Variants in STK3 observed in about 807,000 individuals in gnomAD.
STK3 encodes serine/threonine kinase 3, also known as serine/threonine-protein kinase 3.
A neutral mutation model predicts 58.0 loss-of-function variants in STK3; 41 were observed. The observed-to-expected ratio is 0.71, with a 90% CI of 0.55 to 0.92. The LOEUF (loss-of-function observed/expected upper bound fraction) is 0.92. Among genes scored for constraint, STK3 ranks in the 40% least tolerant of loss-of-function variants. The pLI is 0.00. For missense variants in STK3, 479 were observed against 602.7 expected (o/e 0.79, Z 2.15); for synonymous variants, 170 against 191.0 (o/e 0.89, Z 0.91).
At chr8:98,393,033 G>T (rs377737729), upstream of STK3, among the ~76,000 whole-genome samples, 13 of 152,268 alleles carry the variant, frequency 8.5e-5, no homozygotes, top group African/African-American at 2.6e-4. Flanking sequence ...TTCTCTCTGA[G>T]GGGGAGTCCA....
At chr8:98,590,886 T>C (rs1298836982) in intron 7 of STK3, among the ~76,000 whole-genome samples, 1 of 152,220 alleles carries the variant, frequency 6.6e-6, no homozygotes, top group Non-Finnish European at 1.5e-5. Context: ...TTGTTTTACA[T>C]TATGTAAAAC....
intron 1 of STK3, among the ~76,000 whole-genome samples, chr8:98,914,488 ACACACTCT>A (rs61315962): frequency 0.057 from 8,236 of 145,504 alleles, 285 homozygotes; most frequent in South Asian, 0.092. Context: ...ACACACACAC[ACACACTCT>A]CTCTCTCTCT....
chr8:98,597,898 C>T (rs1354101389), intron 6 of STK3: 1 of 983,606 alleles, frequency 1.0e-6, no homozygotes, highest in Non-Finnish European at 1.2e-6. Flanking sequence ...CTGCAAATAA[C>T]CTAATTAATC....
chr8:98,683,997 G>T (rs541815122), intron 6 of STK3, among the ~76,000 whole-genome samples: 260 of 152,164 alleles, frequency 1.7e-3, no homozygotes, highest in Middle Eastern at 0.01. Context: ...ATACATATCT[G>T]CACAAACATC....
intron 4 of STK3, among the ~76,000 whole-genome samples, chr8:98,726,266 G>A (rs1554662098): frequency 1.3e-5 from 2 of 152,194 alleles, no homozygotes; most frequent in Non-Finnish European, 2.9e-5. Context: ...AAATACCTTT[G>A]TAAACTTAAT....
chr8:98,438,451 G>A (rs2131090292), intron 1 of STK3: 1 of 152,366 alleles, frequency 6.6e-6, no homozygotes, highest in African/African-American at 2.4e-5. Context: ...AACAATGCCA[G>A]GAGAAGAACC....
intron 6 of STK3, among the ~76,000 whole-genome samples, chr8:98,656,066 C>G (rs528773109): frequency 6.6e-6 from 1 of 152,212 alleles, no homozygotes; most frequent in South Asian, 2.1e-4. Context: ...TTCACAATAG[C>G]AAAGACTTGG....
At chr8:98,695,058 T>C (rs970640591) in intron 6 of STK3, among the ~76,000 whole-genome samples, 17 of 152,236 alleles carry the variant, frequency 1.1e-4, no homozygotes, top group Non-Finnish European at 1.9e-4. Flanking sequence ...TGGTGTGAGA[T>C]GGTGTCTCAT....
At chr8:98,892,520 T>G (rs1309841111) in intron 1 of STK3, among the ~76,000 whole-genome samples, 1 of 152,198 alleles carries the variant, frequency 6.6e-6, no homozygotes, top group Admixed American at 6.5e-5. Flanking sequence ...CTGTGGGCTC[T>G]CCTATGCCAC....
At chr8:98,572,500 C>G (rs1189660826) in intron 8 of STK3, among the ~76,000 whole-genome samples, 3 of 152,030 alleles carry the variant, frequency 2.0e-5, no homozygotes, top group African/African-American at 7.2e-5. Flanking sequence ...CAATTTAAGC[C>G]AATTCACAAA....
At chr8:98,621,942 C>T (rs374821925) in intron 6 of STK3, among the ~76,000 whole-genome samples, 1 of 151,048 alleles carries the variant, frequency 6.6e-6, no homozygotes, top group South Asian at 2.1e-4. Context: ...AAAAAAAGAC[C>T]GTCAAATGAA....
At chr8:98,847,910 T>C (rs1185940069) in intron 3 of STK3, among the ~76,000 whole-genome samples, 1 of 152,128 alleles carries the variant, frequency 6.6e-6, no homozygotes, top group African/African-American at 2.4e-5. Context: ...GCTTCTTAGT[T>C]ATCCTACAGG....
chr8:98,507,547 T>G (rs543490718), intron 10 of STK3, among the ~76,000 whole-genome samples: 2 of 152,300 alleles, frequency 1.3e-5, no homozygotes, highest in South Asian at 4.1e-4. Context: ...TTAAAGTCAG[T>G]CAGTTAGAGA....
At chr8:98,507,454 T>C (rs923959943) in intron 10 of STK3, among the ~76,000 whole-genome samples, 1 of 152,262 alleles carries the variant, frequency 6.6e-6, no homozygotes, top group Non-Finnish European at 1.5e-5. Context: ...CAGTTCTTAC[T>C]GTCTCTGGTG....
chr8:98,382,782 C>T (rs867603000), intron 1 of STK3, among the ~76,000 whole-genome samples: 4 of 152,324 alleles, frequency 2.6e-5, no homozygotes, highest in East Asian at 1.9e-4. Flanking sequence ...GCAAGAAACC[C>T]GATTCCTGAA....
chr8:98,725,582 T>G (rs1678824237), intron 4 of STK3, among the ~76,000 whole-genome samples: 1 of 152,174 alleles, frequency 6.6e-6, no homozygotes, highest in Non-Finnish European at 1.5e-5. Flanking sequence ...TCCTGGAATA[T>G]TAACTTATAT....
intron 3 of STK3, among the ~76,000 whole-genome samples, chr8:98,410,302 CCTTCAT>C (rs1168823419): frequency 6.6e-6 from 1 of 152,188 alleles, no homozygotes; most frequent in African/African-American, 2.4e-5. Context: ...CGTCCTCTCG[CCTTCAT>C]CTACTTCTGG....
chr8:98,669,290 C>T (rs1221869417), intron 6 of STK3, among the ~76,000 whole-genome samples: 7 of 151,988 alleles, frequency 4.6e-5, no homozygotes, highest in South Asian at 2.1e-4. Flanking sequence ...CCACTGCGCC[C>T]GGCCCATTAA....
chr8:98,589,485 C>T (rs984500952), intron 7 of STK3, among the ~76,000 whole-genome samples: 3 of 152,230 alleles, frequency 2.0e-5, no homozygotes, highest in African/African-American at 7.2e-5. Flanking sequence ...ACTGGGAGAA[C>T]CACTGCTCTC....
Sources: gnomAD v4.1 joint callset for allele counts (sites outside exome capture counted in the v4.1 genomes callset) on GRCh38, gnomAD v4.1.1 for gene constraint, MANE v1.5 for transcripts, NCBI Gene and HGNC (gene_info 2026-07-23, HGNC 2026-07-21) for gene names.